LRRC15: variants seen among roughly 807,000 people sequenced by gnomAD.
The protein encoded by LRRC15 is leucine-rich repeat-containing protein 15.
A neutral mutation model predicts 4.3 loss-of-function variants in LRRC15; 5 were observed. That is an observed-to-expected ratio of 1.16 (90% CI 0.61 to 2.44). The LOEUF (loss-of-function observed/expected upper bound fraction) is 2.44. Ranked by LOEUF, LRRC15 falls within the 30% of genes most tolerant of loss-of-function variation. The probability of loss-of-function intolerance (pLI) is 0.01; values close to 1 mark genes in which losing one functional copy is unlikely to be tolerated. For missense variants in LRRC15, 769 were observed against 747.0 expected (o/e 1.03, Z -0.34); for synonymous variants, 337 against 323.2 (o/e 1.04, Z -0.46).
In LRRC15 at chr3:194,356,461, G is replaced by C. The variant is rs1229598952; in HGVS notation, c.*2837C>G. ...AAATGCATCATCCTGTTGGAAAGGAGACTCCACTCAGCTTTTCTAGTAGCT... is the reference window on the plus strand; with the variant it reads ...AAATGCATCATCCTGTTGGAAAGGACACTCCACTCAGCTTTTCTAGTAGCT... On this transcript the variant is annotated 3_prime_UTR_variant, in exon 2 of 2. Transcript: ENST00000347624. 1.3e-5 allele frequency: 2 copies of C among 152,240 alleles called. No homozygotes were observed. The highest frequency in any genetic ancestry group is 6.5e-5 in the Admixed American group (1 of 15,282). 9.4% of individuals were successfully genotyped at this position (152,240 alleles called of 1,614,324 possible). A position where few individuals can be genotyped will look rare whatever the true frequency, so the allele number is the denominator to read the frequency against.
In LRRC15 at chr3:194,359,720, G is replaced by A. The variant is rs1189941798; in HGVS notation, c.1324C>T (p.Gln442Ter). 1 of 1,614,092 alleles carries A rather than the reference G, an allele frequency of 6.2e-7. No homozygotes were observed. Among genetic ancestry groups the A allele is most frequent in the East Asian group, 2.2e-5 (1 of 44,902 alleles). Residue 442 changes from glutamine to a stop codon, truncating the protein, a stop_gained, in exon 2 of 2, where the codon CAG becomes TAG. Transcript: ENST00000347624. LOFTEE classifies it low-confidence loss of function (END_TRUNC). ...LPLRNWLLLN[Q>*]PRLGTDTVPV... is the part of the protein sequence containing the mutation. The stretch of plus-strand genomic sequence containing the variant: ...ACAGTGTCCGTCCCTAACCTAGGCT[G>A]GTTGAGCAGGAGCCAGTTGCGGAGC...
chr3:194,360,589 T>C lies in LRRC15; in HGVS notation c.455A>G (p.Lys152Arg). 6.2e-7 allele frequency: 1 copy of C among 1,614,088 alleles called. No homozygotes were observed. Among genetic ancestry groups the C allele is most frequent in the Non-Finnish European group, 8.5e-7 (1 of 1,179,968 alleles). ...PAHFSQCSNL[K>R]ELQLHGNHLE... ...GTGGTTGCCGTGCAACTGCAGCTCC[T>C]TGAGGTTGCTGCACTGGGAGAAGTG... The change falls in exon 2 of 2, where the codon AAG (lysine) becomes AGG (arginine). Residue 152 changes from lysine (K) to arginine (R), a missense_variant. Transcript: ENST00000347624.
rs575186595 is a variant in LRRC15 at position 194,367,851 on chromosome 3, C to G, written c.-4+1810G>C. ...CAACATGTTGCTTATTGTTTGAAAA[C>G]AGAAAATCAGTTAAAAAGCGCAATT... On this transcript the variant is annotated intron_variant, in intron 1 of 1. Coordinates refer to ENST00000347624, the MANE Select transcript of LRRC15 (RefSeq NM_130830.5). Among the ~76,000 whole-genome samples, 4 of 152,372 alleles carry G rather than the reference C, an allele frequency of 2.6e-5. No homozygotes were observed. The South Asian group carries it at 6.2e-4, about 24-fold the overall frequency.
At chr3:194,369,551 A>C (rs780135618) in intron 1 of LRRC15, 110 bp downstream of exon 1, 4 of 152,390 alleles carry the variant, frequency 2.6e-5, no homozygotes, top group Non-Finnish European at 5.9e-5. Context: ...GGCACATGTC[A>C]GCTCTGCCCC....
Position 194,359,193 on chromosome 3 carries a change from G to A in LRRC15, c.*105C>T, listed in dbSNP as rs542550671. 1.0e-4 allele frequency: 111 copies of A among 1,088,304 alleles called. 4 individuals are homozygous for A. The South Asian group carries it at 1.6e-3, about 16-fold the overall frequency. 67.4% of individuals were successfully genotyped at this position (1,088,304 alleles called of 1,614,324 possible). On this transcript the variant is annotated 3_prime_UTR_variant, in exon 2 of 2. Transcript: ENST00000347624. ...GCTCACCTTTCTCTGGGGCCAGAAA[G>A]AGCAATCACGGGAAAGCTCCATGGA...
chr3:194,359,734 C>T lies in LRRC15; in HGVS notation c.1310G>A (p.Trp437Ter). 1 of 1,614,160 alleles carries T rather than the reference C, an allele frequency of 6.2e-7. No homozygotes were observed. The change falls in exon 2 of 2, where the codon TGG (tryptophan) becomes TAG (stop). Residue 437 changes from tryptophan to a stop codon, truncating the protein, a stop_gained. Transcript: ENST00000347624. LOFTEE classifies it low-confidence loss of function (END_TRUNC). Reference sequence around the variant, plus strand: ...TAACCTAGGCTGGTTGAGCAGGAGCCAGTTGCGGAGCGGAAGGATGTCTGA... The same window carrying T: ...TAACCTAGGCTGGTTGAGCAGGAGCTAGTTGCGGAGCGGAAGGATGTCTGA... The part of the protein sequence containing the change: ...CDSDILPLRN[W>*]LLLNQPRLGT...
In LRRC15 at chr3:194,360,326, G is replaced by C; in HGVS notation, c.718C>G (p.Leu240Val). The C allele has an allele frequency of 6.2e-7, 1 of 1,614,172 alleles. No individual in the cohort carries two copies. The highest frequency in any genetic ancestry group is 8.5e-7 in the Non-Finnish European group (1 of 1,180,032). The change falls in exon 2 of 2, where the codon CTC (leucine) becomes GTC (valine). Residue 240 changes from leucine (L) to valine (V), a missense_variant. Leu to Val is a conservative substitution (Grantham distance 32). Transcript: ENST00000347624. Reference protein sequence around the residue: ...QNQIGLLSPGLFHNNHNLQRL... With the variant: ...QNQIGLLSPGVFHNNHNLQRL... ...TGGAGGTTGTGGTTGTTGTGGAAGA[G>C]ACCAGGGGAGAGCAGTCCAATCTGG...
At chr3:194,366,520 C>G (rs564162784) in intron 1 of LRRC15, among the ~76,000 whole-genome samples, 3 of 151,790 alleles carry the variant, frequency 2.0e-5, no homozygotes, top group African/African-American at 7.3e-5. Flanking sequence ...AGAAACACCA[C>G]GTGAGGTCTA....
At position 194,360,391 on chromosome 3, in the gene LRRC15, T is replaced by C; in HGVS notation, c.653A>G (p.Asp218Gly). The change falls in exon 2 of 2, where the codon GAT becomes GGT. Residue 218 changes from aspartate to glycine, a missense_variant. Transcript: ENST00000347624. ...CAGTTCCTGCAGGTTAACAAGCCCA[T>C]CAAAAGTGCCCATGGGGATATCCGT... The part of the protein sequence containing the change: ...RLTDIPMGTF[D>G]GLVNLQELAL... 2.5e-6 allele frequency: 4 copies of C among 1,614,074 alleles called. No homozygotes were observed. Among genetic ancestry groups the C allele is most frequent in the Non-Finnish European group, 3.4e-6 (4 of 1,180,026 alleles).
At chr3:194,363,452 C>A in intron 1 of LRRC15, 1 of 650,466 alleles carries the variant, frequency 1.5e-6, no homozygotes, top group Non-Finnish European at 2.8e-6. Flanking sequence ...AATGTCAGGT[C>A]CAGAACCCAG....
Position 194,359,314 on chromosome 3 carries a change from G to T in LRRC15, c.1730C>A (p.Ala577Glu). The T allele has an allele frequency of 6.3e-7, 1 of 1,596,598 alleles. No individual in the cohort carries two copies. Among genetic ancestry groups the T allele is most frequent in the Non-Finnish European group, 8.5e-7 (1 of 1,170,282 alleles). The change falls in exon 2 of 2, where the codon GCA becomes GAA. Residue 577 changes from alanine to glutamate, a missense_variant. Transcript: ENST00000347624. ...CCTGCCTCTTTAACACTCATTGGGT[G>T]CCTTCATCTGCATCAGGACAGCTTG... The part of the protein sequence containing the change: ...RSQAVLMQMK[A>E]PNEC
intron 1 of LRRC15, among the ~76,000 whole-genome samples, chr3:194,365,570 G>A (rs1713752326): frequency 6.6e-6 from 1 of 152,106 alleles, no homozygotes; most frequent in African/African-American, 2.4e-5. Context: ...AATTCTCCAG[G>A]CCTCAGTTTC....
At chr3:194,369,302 A>G (rs976413986) in intron 1 of LRRC15, among the ~76,000 whole-genome samples, 2 of 152,238 alleles carry the variant, frequency 1.3e-5, no homozygotes, top group Admixed American at 6.5e-5. Context: ...TCTAGATTCC[A>G]GAACGGTCAA....
In LRRC15 at chr3:194,360,352, T is replaced by C. The variant is rs2108657629; in HGVS notation, c.692A>G (p.Asn231Ser). The C allele has an allele frequency of 1.2e-6, 2 of 1,614,042 alleles. No individual in the cohort carries two copies. The highest frequency in any genetic ancestry group is 8.5e-7 in the Non-Finnish European group (1 of 1,179,946). The change falls in exon 2 of 2, where the codon AAC (asparagine) becomes AGC (serine). Residue 231 changes from asparagine to serine, a missense_variant. Asn to Ser is a conservative substitution (Grantham distance 46). Transcript: ENST00000347624. ...ACCAGGGGAGAGCAGTCCAATCTGG[T>C]TCTGCTGCAGAGCCAGTTCCTGCAG... ...VNLQELALQQNQIGLLSPGLF... is the reference protein window; with the variant it reads ...VNLQELALQQSQIGLLSPGLF...
chr3:194,359,412 A>C lies in LRRC15; in HGVS notation c.1632T>G (p.Ile544Met), dbSNP rs762584945. 1.9e-5 allele frequency: 30 copies of C among 1,614,036 alleles called. No homozygotes were observed. Among genetic ancestry groups the C allele is most frequent in the African/African-American group, 2.7e-5 (2 of 74,924 alleles). The part of the protein sequence containing the change: ...QAQSGLAIAA[I>M]VIGIVALACS... ...AGGCCAGGGCGACAATGCCAATTACAATGGCGGCAATGGCCAGCCCGCTCT... is the reference window on the plus strand; with the variant it reads ...AGGCCAGGGCGACAATGCCAATTACCATGGCGGCAATGGCCAGCCCGCTCT... Residue 544 changes from isoleucine to methionine, a missense_variant, in exon 2 of 2, where the codon ATT becomes ATG. Coordinates refer to ENST00000347624, the MANE Select transcript of LRRC15 (RefSeq NM_130830.5).
Position 194,360,904 on chromosome 3 carries a change from A to G in LRRC15, c.140T>C (p.Val47Ala). The G allele has an allele frequency of 6.2e-7, 1 of 1,605,294 alleles. No homozygotes were observed. Among genetic ancestry groups the G allele is most frequent in the Non-Finnish European group, 8.5e-7 (1 of 1,175,696 alleles). ...GGCGTTCCAGGGCAGAGGGGTGGGC[A>G]CTGCCACAATGCGTGCCCCGGTGCA... The part of the protein sequence containing the change: ...VECTGARIVA[V>A]PTPLPWNAMS... Residue 47 changes from valine (V) to alanine (A), a missense_variant, in exon 2 of 2, where the codon GTG becomes GCG. Val to Ala is a moderately conservative substitution (Grantham distance 64). Transcript: ENST00000347624.
intron 1 of LRRC15, among the ~76,000 whole-genome samples, chr3:194,364,753 C>T (rs535958799): frequency 6.6e-6 from 1 of 152,386 alleles, no homozygotes; most frequent in East Asian, 1.9e-4. Context: ...TGCAGATTTT[C>T]CTCTGTATAA....
chr3:194,359,171 C>A lies in LRRC15; in HGVS notation c.*127G>T. 1 of 884,022 alleles carries A rather than the reference C, an allele frequency of 1.1e-6. No homozygotes were observed. Among genetic ancestry groups the A allele is most frequent in the Non-Finnish European group, 1.7e-6 (1 of 589,270 alleles). The allele number at this position is 884,022 out of a possible 1,614,324, so 54.8% of individuals were successfully genotyped here. ...CAGGCAAGTCAGGAAGAGGTAGGCT[C>A]ACCTTTCTCTGGGGCCAGAAAGAGC... On this transcript the variant is annotated 3_prime_UTR_variant, in exon 2 of 2. Transcript: ENST00000347624.
At position 194,360,194 on chromosome 3, in the gene LRRC15, GCTC is replaced by G; in HGVS notation, c.847_849del (p.Glu283del). On this transcript the variant is annotated inframe_deletion, in exon 2 of 2. Coordinates refer to ENST00000347624, the MANE Select transcript of LRRC15 (RefSeq NM_130830.5). Reference sequence around the variant, plus strand: ...ATGGGCCCGAAGATCCCCGGAGAGAGCTCCTTCAGGGAATTCCCAAAGAGAGTA... The same window carrying G: ...ATGGGCCCGAAGATCCCCGGAGAGAGCTTCAGGGAATTCCCAAAGAGAGTA... 6.2e-7 allele frequency: 1 copy of G among 1,613,878 alleles called. No individual in the cohort carries two copies. The highest frequency in any genetic ancestry group is 8.5e-7 in the Non-Finnish European group (1 of 1,179,758).
Sources: allele counts gnomAD v4.1 joint callset (sites outside exome capture counted in the v4.1 genomes callset), GRCh38; gene constraint gnomAD v4.1.1; transcripts MANE v1.5; gene names NCBI Gene and HGNC (gene_info 2026-07-23, HGNC 2026-07-21).